The following CD109 variants were observed in gnomAD, a reference collection of about 807,000 sequenced individuals.
CD109 encodes the protein CD109 antigen.
In CD109, 149 loss-of-function variants were observed where a neutral mutation model predicts 165.8. The observed-to-expected ratio is 0.90, with a 90% CI of 0.79 to 1.03. The LOEUF (loss-of-function observed/expected upper bound fraction) is 1.03. CD109 is among the 50% of genes least tolerant of loss of function. CD109 has a pLI of 0.00. For missense variants in CD109, 1,712 were observed against 1,677.8 expected (o/e 1.02, Z -0.36); for synonymous variants, 585 against 592.1 (o/e 0.99, Z 0.18).
At chr6:73,777,690 T>C (rs1363941034) in intron 15 of CD109, among the ~76,000 whole-genome samples, 2 of 152,210 alleles carry the variant, frequency 1.3e-5, no homozygotes, top group Non-Finnish European at 2.9e-5. Flanking sequence ...CATTGCTTGT[T>C]TTTGTCAGAT....
chr6:73,822,485 A>G (rs1182581490), intron 32 of CD109, among the ~76,000 whole-genome samples: 1 of 152,218 alleles, frequency 6.6e-6, no homozygotes, highest in Non-Finnish European at 1.5e-5. Flanking sequence ...GGGTTCACCC[A>G]GGTTCTTGTG....
intron 5 of CD109, among the ~76,000 whole-genome samples, chr6:73,744,427 AT>A (rs2150198803): frequency 6.6e-6 from 1 of 152,160 alleles, no homozygotes; most frequent in African/African-American, 2.4e-5. Context: ...ATCTTTGTAT[AT>A]TTTCATTTTG....
chr6:73,760,675 A>G (rs1466984265), intron 7 of CD109, among the ~76,000 whole-genome samples: 1 of 151,668 alleles, frequency 6.6e-6, no homozygotes, highest in African/African-American at 2.4e-5. Flanking sequence ...GTGAAACTCC[A>G]TTTCTACTGA....
chr6:73,799,404 T>C (rs1340714785), intron 23 of CD109, among the ~76,000 whole-genome samples: 1 of 152,218 alleles, frequency 6.6e-6, no homozygotes, highest in Admixed American at 6.5e-5. Flanking sequence ...CAGGCGGTTC[T>C]TGCATTACTA....
At chr6:73,702,248 T>C (rs140216879) in intron 2 of CD109, among the ~76,000 whole-genome samples, 190 of 152,334 alleles carry the variant, frequency 1.2e-3, no homozygotes, top group African/African-American at 4.3e-3. Flanking sequence ...TATATTTTAT[T>C]TTCCATCTTG....
At chr6:73,807,962 G>T in intron 25 of CD109, 121 bp from the exon 26 acceptor site, 1 of 757,950 alleles carries the variant, frequency 1.3e-6, no homozygotes, top group South Asian at 1.9e-5. Flanking sequence ...CCTAGTACAA[G>T]GTCAGGTACT....
intron 4 of CD109, among the ~76,000 whole-genome samples, chr6:73,732,734 G>A (rs1299330912): frequency 6.6e-6 from 1 of 152,196 alleles, no homozygotes; most frequent in Non-Finnish European, 1.5e-5. Flanking sequence ...TGGATAATTA[G>A]TCTGTGCATT....
rs900281026 is a variant in CD109 at position 73,796,570 on chromosome 6, A to G, written c.2878+3768A>G. On this transcript the variant is annotated intron_variant, in intron 23 of 32. Transcript: ENST00000287097. ...CATCTGTCCTGGCATTTAGAGGGGG[A>G]GCTCTGTGACAGTGGGGACCATGTT... is the stretch of plus-strand genomic sequence containing the variant. Among the ~76,000 whole-genome samples the G allele has an allele frequency of 8.5e-5, 13 of 152,144 alleles. No homozygotes were observed. In the East Asian group the frequency reaches 2.5e-3, roughly 29 times the overall value.
At chr6:73,816,088 C>T (rs996702576) in intron 30 of CD109, among the ~76,000 whole-genome samples, 1 of 152,162 alleles carries the variant, frequency 6.6e-6, no homozygotes, top group African/African-American at 2.4e-5. Context: ...TGCCTGGACC[C>T]AGTCTCCGCC....
At chr6:73,765,320 A>T (rs1773792719) in intron 10 of CD109, among the ~76,000 whole-genome samples, 1 of 150,706 alleles carries the variant, frequency 6.6e-6, no homozygotes, top group South Asian at 2.1e-4. Flanking sequence ...AGAGAGAAGC[A>T]TAGGACTTTG....
rs879444032 is a variant in CD109, at chr6:73,746,591, C to CT, written c.634-10041dup. 2.7e-3 allele frequency among the ~76,000 whole-genome samples: 400 copies of CT among 146,448 alleles called. 2 individuals carry two copies. The highest frequency in any genetic ancestry group is 8.7e-3 in the African/African-American group (350 of 40,140). On this transcript the variant is annotated intron_variant, in intron 5 of 32. Coordinates refer to ENST00000287097, the MANE Select transcript of CD109 (RefSeq NM_133493.5). ...AAAGAGAATATGTTTCTAGTTAGTA[C>CT]TTTTTTTTTTTCAACACCAAGGAAA...
chr6:73,702,988 C>T (rs958372877), intron 2 of CD109, among the ~76,000 whole-genome samples: 6 of 152,160 alleles, frequency 3.9e-5, no homozygotes, highest in African/African-American at 1.4e-4. Context: ...ATTAAATATC[C>T]AGTTTCCTCA....
At chr6:73,821,142 A>G (rs1406187885) in intron 32 of CD109, among the ~76,000 whole-genome samples, 4 of 152,144 alleles carry the variant, frequency 2.6e-5, no homozygotes, top group African/African-American at 9.7e-5. Context: ...GGATCATCAC[A>G]TACCAGGGCC....
At chr6:73,744,391 A>G (rs1772902717) in intron 5 of CD109, among the ~76,000 whole-genome samples, 1 of 152,196 alleles carries the variant, frequency 6.6e-6, no homozygotes, top group Admixed American at 6.5e-5. Context: ...TCACTCTGCT[A>G]TATCATCTTG....
intron 7 of CD109, 109 bp downstream of exon 7, chr6:73,759,137 C>A (rs7774119): frequency 0.3 from 200,184 of 674,868 alleles, 30,249 homozygotes; most frequent in Admixed American, 0.37. Context: ...TATTAAAATA[C>A]CTTAGTGGAC....
At chr6:73,702,575 G>A (rs1771123643) in intron 2 of CD109, among the ~76,000 whole-genome samples, 1 of 152,172 alleles carries the variant, frequency 6.6e-6, no homozygotes. Context: ...TGTGTGTGAT[G>A]TATATTAACA....
At chr6:73,794,434 A>G (rs1775084169) in intron 23 of CD109, among the ~76,000 whole-genome samples, 2 of 152,182 alleles carry the variant, frequency 1.3e-5, no homozygotes, top group African/African-American at 4.8e-5. Flanking sequence ...ATAAAATATT[A>G]AGGGAGGAAC....
chr6:73,707,204 C>T (rs1285806812), intron 2 of CD109, among the ~76,000 whole-genome samples: 2 of 152,144 alleles, frequency 1.3e-5, no homozygotes, highest in African/African-American at 2.4e-5. Context: ...CTGCCATGGC[C>T]ATGGGAGTTG....
At chr6:73,690,520 G>GCCT in the CD109 span, among the ~76,000 whole-genome samples, 3 of 152,256 alleles carry the variant, frequency 2.0e-5, no homozygotes, top group East Asian at 5.8e-4. Context: ...TCCTGCCTCA[G>GCCT]CCTCCTGAGT....
Sources: allele counts gnomAD v4.1 joint callset (sites outside exome capture counted in the v4.1 genomes callset), GRCh38; gene constraint gnomAD v4.1.1; transcripts MANE v1.5; gene names NCBI Gene and HGNC (gene_info 2026-07-23, HGNC 2026-07-21).